PLXDC1: variants seen among roughly 807,000 people sequenced by gnomAD.
PLXDC1 encodes plexin domain-containing protein 1.
PLXDC1 carries 39 observed loss-of-function variants against 61.3 expected under a neutral mutation model. The ratio of observed to expected loss-of-function variants is 0.64; its 90% CI spans 0.49 to 0.83. PLXDC1 has a LOEUF of 0.83. PLXDC1 is among the 40% of genes least tolerant of loss of function. The probability of loss-of-function intolerance (pLI) is 0.00; values close to 1 mark genes in which losing one functional copy is unlikely to be tolerated. For missense variants in PLXDC1, 596 were observed against 666.5 expected (o/e 0.89, Z 1.17); for synonymous variants, 212 against 254.5 (o/e 0.83, Z 1.59).
intron 2 of PLXDC1, among the ~76,000 whole-genome samples, chr17:39,128,125 AT>A (rs1456591106): frequency 2.7e-5 from 1 of 36,738 alleles, no homozygotes; most frequent in African/African-American, 1.1e-4. Context: ...GTATATATAT[AT>A]GTGTATATAT....
rs556421104 is a variant in PLXDC1, at chr17:39,075,108, C to T, written c.1187-2623G>A. Among the ~76,000 whole-genome samples the T allele has an allele frequency of 1.2e-4, 19 of 152,228 alleles. No homozygotes were observed. The South Asian group carries it at 1.7e-3, about 13-fold the overall frequency. On this transcript the variant is annotated intron_variant, in intron 11 of 13. Coordinates refer to ENST00000315392, the MANE Select transcript of PLXDC1 (RefSeq NM_020405.5). ...CTGAGTAGCTGGGATTACACATGTG[C>T]GCCACCACGCCCAGCTAATTTTTGA...
At chr17:39,085,120 A>T (rs1909696383) in intron 8 of PLXDC1, among the ~76,000 whole-genome samples, 1 of 152,234 alleles carries the variant, frequency 6.6e-6, no homozygotes, top group African/African-American at 2.4e-5. Context: ...TTCTCATGTG[A>T]TCCATTAACT....
chr17:39,086,230 G>A (rs1909736069), intron 8 of PLXDC1, among the ~76,000 whole-genome samples: 2 of 152,178 alleles, frequency 1.3e-5, no homozygotes, highest in Non-Finnish European at 2.9e-5. Flanking sequence ...CTCAGGCCCT[G>A]AGCCTTCTGC....
intron 1 of PLXDC1, among the ~76,000 whole-genome samples, chr17:39,141,334 G>A (rs995668291): frequency 1.4e-4 from 21 of 152,212 alleles, no homozygotes; most frequent in Non-Finnish European, 2.2e-4. Flanking sequence ...CGCGCAGCCT[G>A]TATCTATGAT....
At chr17:39,124,866 T>G (rs555589260) in intron 2 of PLXDC1, among the ~76,000 whole-genome samples, 5 of 152,128 alleles carry the variant, frequency 3.3e-5, no homozygotes, top group African/African-American at 4.8e-5. Context: ...CAGGCTGGAG[T>G]GCAGTGGTGC....
At chr17:39,104,676 C>T (rs552907026) in intron 7 of PLXDC1, among the ~76,000 whole-genome samples, 29 of 152,064 alleles carry the variant, frequency 1.9e-4, no homozygotes, top group African/African-American at 6.0e-4. Context: ...CCCAGCTACT[C>T]GGGAGGCTGA....
At chr17:39,110,575 C>T (rs969806402) in intron 2 of PLXDC1, among the ~76,000 whole-genome samples, 1 of 152,314 alleles carries the variant, frequency 6.6e-6, no homozygotes, top group Admixed American at 6.5e-5. Flanking sequence ...GCAGGGCAGG[C>T]AGGTTCCCTT....
intron 2 of PLXDC1, among the ~76,000 whole-genome samples, chr17:39,121,957 T>A (rs559012862): frequency 1.3e-5 from 2 of 149,894 alleles, no homozygotes; most frequent in South Asian, 4.2e-4. Context: ...ATTATCTATG[T>A]GTGGTGGTGG....
chr17:39,150,418 C>T (rs2045365445), intron 1 of PLXDC1, among the ~76,000 whole-genome samples: 1 of 152,206 alleles, frequency 6.6e-6, no homozygotes, highest in African/African-American at 2.4e-5. Flanking sequence ...TCCCTCACCC[C>T]ACCTGAGGGG....
At chr17:39,122,819 G>A (rs926348445) in intron 2 of PLXDC1, among the ~76,000 whole-genome samples, 1 of 152,220 alleles carries the variant, frequency 6.6e-6, no homozygotes, top group Non-Finnish European at 1.5e-5. Context: ...GTTTTGGGAG[G>A]CAGTGTGATA....
intron 2 of PLXDC1, among the ~76,000 whole-genome samples, chr17:39,123,432 C>T (rs1306232977): frequency 1.3e-5 from 2 of 152,270 alleles, no homozygotes; most frequent in East Asian, 3.9e-4. Context: ...TTAGGTGATC[C>T]ACCCGCCTCG....
At chr17:39,140,975 C>T (rs1911918802) in intron 1 of PLXDC1, among the ~76,000 whole-genome samples, 1 of 152,184 alleles carries the variant, frequency 6.6e-6, no homozygotes, top group Admixed American at 6.5e-5. Context: ...ACTCTTTTCA[C>T]CTTGTAAAAC....
intron 7 of PLXDC1, among the ~76,000 whole-genome samples, chr17:39,095,372 C>T (rs1910128494): frequency 7.5e-5 from 1 of 13,388 alleles, no homozygotes; most frequent in Admixed American, 5.7e-4. Flanking sequence ...GCCCCGCCCC[C>T]CCCCCCCAAC....
At chr17:39,072,351 G>C in intron 12 of PLXDC1, 99 bp downstream of exon 12, 1 of 833,078 alleles carries the variant, frequency 1.2e-6, no homozygotes, top group Non-Finnish European at 2.0e-6. Flanking sequence ...CTCCCTCTCC[G>C]CACTCATAAA....
chr17:39,151,288 C>T lies in PLXDC1; in HGVS notation c.76+74G>A. ...GCGGACATCGCCAGGCCGTCCACACCTGCCCATGCCCACACCTGACTGCCC... is the reference window on the plus strand; with the variant it reads ...GCGGACATCGCCAGGCCGTCCACACTTGCCCATGCCCACACCTGACTGCCC... On this transcript the variant is annotated intron_variant, in intron 1 of 13. Coordinates refer to ENST00000315392, the MANE Select transcript of PLXDC1 (RefSeq NM_020405.5). The surrounding 1 kb of genome is among the most constrained non-coding windows in gnomAD (Gnocchi z 5.2). The T allele has an allele frequency of 1.8e-6, 2 of 1,130,600 alleles. No homozygotes were observed. Among genetic ancestry groups the T allele is most frequent in the Non-Finnish European group, 2.2e-6 (2 of 889,686 alleles). The allele number at this position is 1,130,600 out of a possible 1,614,324, so 70.0% of individuals were successfully genotyped here. A position where few individuals can be genotyped will look rare whatever the true frequency, so the allele number is the denominator to read the frequency against.
chr17:39,069,333 T>A (rs1202270294), intron 13 of PLXDC1, among the ~76,000 whole-genome samples: 2 of 152,190 alleles, frequency 1.3e-5, no homozygotes, highest in African/African-American at 2.4e-5. Context: ...CTCAAACTCC[T>A]GTGCTCAAGT....
chr17:39,120,758 ATTTTTTT>A (rs57148436), intron 2 of PLXDC1, among the ~76,000 whole-genome samples: 1 of 124,364 alleles, frequency 8.0e-6, no homozygotes, highest in African/African-American at 3.0e-5. Flanking sequence ...CACCCAGCTA[ATTTTTTT>A]TTTTTTTTTT....
At chr17:39,111,442 G>A (rs567041615) in intron 2 of PLXDC1, among the ~76,000 whole-genome samples, 1 of 152,216 alleles carries the variant, frequency 6.6e-6, no homozygotes, top group Admixed American at 6.5e-5. Context: ...ACGCCTCCAC[G>A]CCCAGCAAAT....
At chr17:39,120,286 G>A (rs916787350) in intron 2 of PLXDC1, among the ~76,000 whole-genome samples, 3 of 152,066 alleles carry the variant, frequency 2.0e-5, no homozygotes, top group African/African-American at 7.2e-5. Context: ...CAAGTAGCTG[G>A]GATTACAGGC....
Sources: gnomAD v4.1 joint callset for allele counts (sites outside exome capture counted in the v4.1 genomes callset) on GRCh38, gnomAD v4.1.1 for gene constraint, Gnocchi (gnomAD v3.1) non-coding constraint, MANE v1.5 for transcripts, NCBI Gene and HGNC (gene_info 2026-07-23, HGNC 2026-07-21) for gene names.